SORCS2: variants seen among roughly 807,000 people sequenced by gnomAD.
SORCS2 encodes the protein VPS10 domain-containing receptor SorCS2.
SORCS2 carries 100 observed loss-of-function variants against 141.6 expected under a neutral mutation model. The observed-to-expected ratio is 0.71, with a 90% CI of 0.60 to 0.83. The LOEUF (loss-of-function observed/expected upper bound fraction) is 0.83. SORCS2 is among the 40% of genes least tolerant of loss of function. SORCS2 has a pLI of 0.00. For synonymous variants in SORCS2, 789 were observed against 676.9 expected (o/e 1.17, Z -2.57); for missense variants, 1,646 against 1,560.2 (o/e 1.05, Z -0.93).
intron 3 of SORCS2, among the ~76,000 whole-genome samples, chr4:7,543,096 G>T (rs561589209): frequency 8.5e-4 from 129 of 152,350 alleles, no homozygotes; most frequent in African/African-American, 3.0e-3. Context: ...GTTTTGGGGG[G>T]CCTTGGAAAC....
intron 1 of SORCS2, among the ~76,000 whole-genome samples, chr4:7,330,588 C>A (rs1359184348): frequency 6.6e-6 from 1 of 151,622 alleles, no homozygotes; most frequent in African/African-American, 2.4e-5. Context: ...TGGCATGGCA[C>A]CTCTGGAATT....
chr4:7,307,840 TG>T (rs1463882224), intron 1 of SORCS2, among the ~76,000 whole-genome samples: 1 of 151,396 alleles, frequency 6.6e-6, no homozygotes, highest in Non-Finnish European at 1.5e-5. Context: ...GGTGTGTGCA[TG>T]AGTGTGTGTG....
At chr4:7,500,332 G>C (rs2109427212) in intron 2 of SORCS2, among the ~76,000 whole-genome samples, 1 of 152,192 alleles carries the variant, frequency 6.6e-6, no homozygotes, top group South Asian at 2.1e-4. Flanking sequence ...GGCATGCTCT[G>C]TGCCGGCTCT....
At chr4:7,723,511 T>C (rs1577119164) in intron 18 of SORCS2, among the ~76,000 whole-genome samples, 186 bp from the exon 19 acceptor site, 2 of 152,246 alleles carry the variant, frequency 1.3e-5, no homozygotes. Context: ...GTCAGCCCCA[T>C]ACTCCAGGAA....
chr4:7,410,974 T>G (rs1725265331), intron 2 of SORCS2, among the ~76,000 whole-genome samples: 1 of 131,930 alleles, frequency 7.6e-6, no homozygotes, highest in African/African-American at 2.7e-5. Flanking sequence ...TTTTTTTTTT[T>G]GAGACGGAGT....
At chr4:7,612,674 G>T (rs1184482506) in intron 3 of SORCS2, among the ~76,000 whole-genome samples, 1 of 152,202 alleles carries the variant, frequency 6.6e-6, no homozygotes, top group East Asian at 1.9e-4. Context: ...TCTTTCTGGG[G>T]CCTGGTCTGC....
intron 2 of SORCS2, among the ~76,000 whole-genome samples, chr4:7,448,047 C>T (rs947102191): frequency 3.3e-5 from 5 of 152,182 alleles, no homozygotes; most frequent in African/African-American, 4.8e-5. Flanking sequence ...AGCGGAGGCT[C>T]GCTCTTCTTC....
intron 1 of SORCS2, among the ~76,000 whole-genome samples, chr4:7,270,926 C>G (rs554851763): frequency 6.6e-6 from 1 of 152,354 alleles, no homozygotes; most frequent in African/African-American, 2.4e-5. Context: ...CCAGTTCTCG[C>G]TTGTTCGTTT....
chr4:7,658,264 T>C (rs1407663996), intron 5 of SORCS2, among the ~76,000 whole-genome samples: 2 of 140,462 alleles, frequency 1.4e-5, no homozygotes, highest in Admixed American at 6.7e-5. Context: ...AGTGAGTGAA[T>C]GAGTCTGTGA....
At chr4:7,306,967 C>T (rs935960236) in intron 1 of SORCS2, among the ~76,000 whole-genome samples, 6 of 152,166 alleles carry the variant, frequency 3.9e-5, no homozygotes, top group African/African-American at 1.2e-4. Flanking sequence ...TCTCCCCTGC[C>T]GTGTGTCCCG....
chr4:7,565,893 G>T (rs1176813091), intron 3 of SORCS2, among the ~76,000 whole-genome samples: 5 of 150,380 alleles, frequency 3.3e-5, no homozygotes, highest in African/African-American at 7.3e-5. Flanking sequence ...TGATGATGGT[G>T]GTGATAGTGA....
rs527382841 is a variant in SORCS2, at chr4:7,434,043, C to T, written c.548+37688C>T. 3.1e-4 allele frequency: 507 copies of T among 1,611,066 alleles called. 6 individuals are homozygous for T. In the South Asian group the frequency reaches 5.2e-3, roughly 17 times the overall value. ...TCTGCATCTCGCTCTGTTTCCTTGG[C>T]AACCCCAGCTCCAGGGAGGGGACCC... On this transcript the variant is annotated intron_variant, in intron 2 of 26. Transcript: ENST00000507866.
chr4:7,525,908 C>T (rs1207228245), intron 2 of SORCS2, among the ~76,000 whole-genome samples: 1 of 4,922 alleles, frequency 2.0e-4, no homozygotes, highest in African/African-American at 4.2e-4. Context: ...TCTCCTCCTG[C>T]AGTCACCTGT....
intron 1 of SORCS2, chr4:7,381,902 C>T: frequency 2.0e-6 from 2 of 986,366 alleles, no homozygotes; most frequent in Non-Finnish European, 2.4e-6. Flanking sequence ...ACCAGCAGAG[C>T]AGGCAGACAG....
chr4:7,678,048 C>T (rs544156994), intron 9 of SORCS2, among the ~76,000 whole-genome samples: 4 of 152,344 alleles, frequency 2.6e-5, no homozygotes, highest in African/African-American at 7.2e-5. Context: ...GCATGCCATG[C>T]TCTGGTCCCT....
intron 1 of SORCS2, among the ~76,000 whole-genome samples, chr4:7,251,191 G>C (rs1478112989): frequency 6.6e-6 from 1 of 152,184 alleles, no homozygotes; most frequent in East Asian, 1.9e-4. Flanking sequence ...AGTTTCAAGG[G>C]TAGTGGCCAG....
At chr4:7,617,829 G>A (rs1171380425) in intron 3 of SORCS2, among the ~76,000 whole-genome samples, 1 of 152,168 alleles carries the variant, frequency 6.6e-6, no homozygotes, top group Non-Finnish European at 1.5e-5. Context: ...TGAGAAAGGG[G>A]GAGAAGGGGG....
chr4:7,200,016 G>A (rs10016367), intron 1 of SORCS2, among the ~76,000 whole-genome samples: 3,969 of 144,698 alleles, frequency 0.027, 152 homozygotes, highest in African/African-American at 0.089. Flanking sequence ...GTGGGGAAGC[G>A]CAGAGGTGGG....
intron 1 of SORCS2, among the ~76,000 whole-genome samples, chr4:7,387,797 C>A (rs1254602932): frequency 1.1e-4 from 16 of 148,200 alleles, no homozygotes; most frequent in East Asian, 4.2e-4. Flanking sequence ...TACATGCATG[C>A]TCACATGCAC....
Sources: allele counts gnomAD v4.1 joint callset (sites outside exome capture counted in the v4.1 genomes callset), GRCh38; gene constraint gnomAD v4.1.1; transcripts MANE v1.5; gene names NCBI Gene and HGNC (gene_info 2026-07-23, HGNC 2026-07-21).